Variants in TCTN3 observed in about 807,000 individuals in gnomAD.
TCTN3 encodes tectonic-3.
TCTN3 carries 57 observed loss-of-function variants against 71.3 expected under a neutral mutation model. The observed-to-expected ratio is 0.80, with a 90% CI of 0.65 to 1.00. The LOEUF (loss-of-function observed/expected upper bound fraction) is 1.00, where lower values mean the gene tolerates loss of function less well. TCTN3 is among the 50% of genes least tolerant of loss of function. TCTN3 has a pLI of 0.00. For synonymous variants in TCTN3, 258 were observed against 267.8 expected, an observed-to-expected ratio of 0.96 and a Z score of 0.36; for missense variants, 696 against 719.9, an observed-to-expected ratio of 0.97 and a Z score of 0.38.
intron 13 of TCTN3, among the ~76,000 whole-genome samples, chr10:95,679,880 G>A (rs1331092746): frequency 1.3e-5 from 2 of 152,214 alleles, no homozygotes; most frequent in African/African-American, 4.8e-5. Flanking sequence ...GTGAGCCACC[G>A]CGCCCGGCCG....
intron 13 of TCTN3, among the ~76,000 whole-genome samples, chr10:95,667,238 A>G (rs989578048): frequency 6.6e-6 from 1 of 152,198 alleles, no homozygotes; most frequent in Non-Finnish European, 1.5e-5. Flanking sequence ...ATTAAGAGCT[A>G]CTACTAGATT....
intron 9 of TCTN3, 79 bp downstream of exon 9, chr10:95,684,420 T>C: frequency 1.9e-6 from 3 of 1,548,296 alleles, no homozygotes; most frequent in Non-Finnish European, 2.6e-6. Flanking sequence ...CTATTTCACA[T>C]GTATTACAGA....
intron 13 of TCTN3, among the ~76,000 whole-genome samples, chr10:95,677,488 T>TTTTTTTTTTTTTTTTTTTTTTTTTTTTG (rs1566068610): frequency 7.0e-6 from 1 of 142,544 alleles, no homozygotes; most frequent in Non-Finnish European, 1.6e-5. Context: ...TTTTTGTTTT[T>TTTTTTTTTTTTTTTTTTTTTTTTTTTTG]TTTTTTTTTT....
chr10:95,670,536 ATTTTT>A (rs908806919), intron 13 of TCTN3, among the ~76,000 whole-genome samples: 1 of 147,228 alleles, frequency 6.8e-6, no homozygotes, highest in African/African-American at 2.5e-5. Flanking sequence ...TTTTTTGTAT[ATTTTT>A]TTTTTTAGTA....
chr10:95,667,923 A>G (rs2097927177), intron 13 of TCTN3, among the ~76,000 whole-genome samples: 1 of 152,232 alleles, frequency 6.6e-6, no homozygotes, highest in South Asian at 2.1e-4. Flanking sequence ...AAGATTGACA[A>G]ACATGCGGAA....
chr10:95,686,191 G>A (rs1589617219), intron 7 of TCTN3, among the ~76,000 whole-genome samples: 1 of 152,216 alleles, frequency 6.6e-6, no homozygotes, highest in Admixed American at 6.5e-5. Context: ...CCGTGCCACT[G>A]CACTTCAGCC....
At position 95,681,919 on chromosome 10, in the gene TCTN3, G is replaced by A. The variant is rs576005061; in HGVS notation, c.1452+732C>T. ...ACCTGAAATAACTACTTCAGGCTGG[G>A]AACAGTGGCTTATGCCTGTAATCCC... On this transcript the variant is annotated intron_variant, in intron 12 of 13. Transcript: ENST00000371217. Among the ~76,000 whole-genome samples, 86 of 152,192 alleles carry A rather than the reference G, an allele frequency of 5.7e-4. 1 individual carries two copies. Among genetic ancestry groups the A allele is most frequent in the Non-Finnish European group, 1.0e-3 (71 of 68,034 alleles).
At chr10:95,686,202 T>C (rs911289130) in intron 7 of TCTN3, among the ~76,000 whole-genome samples, 57 of 152,238 alleles carry the variant, frequency 3.7e-4, no homozygotes, top group African/African-American at 1.3e-3. Context: ...CACTTCAGCC[T>C]GGGTGACAGA....
chr10:95,687,548 G>C, intron 4 of TCTN3, 44 bp downstream of exon 4: 1 of 1,605,450 alleles, frequency 6.2e-7, no homozygotes, highest in Non-Finnish European at 8.5e-7. Flanking sequence ...TGCTGTGAGA[G>C]TAAAAACTAA....
intron 13 of TCTN3, among the ~76,000 whole-genome samples, chr10:95,665,298 A>T (rs1181572250): frequency 6.6e-6 from 1 of 151,970 alleles, no homozygotes; most frequent in East Asian, 1.9e-4. Flanking sequence ...TGTGTGTGTG[A>T]GATGGAGTCT....
chr10:95,683,116 G>A lies in TCTN3; in HGVS notation c.1283C>T (p.Ser428Phe). The A allele has an allele frequency of 1.2e-6, 2 of 1,613,946 alleles. No individual in the cohort carries two copies. The highest frequency in any genetic ancestry group is 8.5e-7 in the Non-Finnish European group (1 of 1,179,866). Residue 428 changes from serine to phenylalanine, a missense_variant, in exon 11 of 14, where the codon TCT becomes TTT. Transcript: ENST00000371217. Reference protein sequence around the residue: ...HEVQFGVNAISGCKLRLKKAD... With the variant: ...HEVQFGVNAIFGCKLRLKKAD... The stretch of plus-strand genomic sequence containing the variant: ...AAAGAACTACCTGAGCTTGCATCCA[G>A]ATATTGCATTCACTCCAAACTGCAC...
At chr10:95,678,257 C>CGTG (rs962923269) in intron 13 of TCTN3, among the ~76,000 whole-genome samples, 4 of 152,104 alleles carry the variant, frequency 2.6e-5, no homozygotes, top group African/African-American at 9.7e-5. Context: ...AGAGGCTGGG[C>CGTG]GTGGTGGCTC....
At chr10:95,685,830 C>T (rs972896633) in intron 7 of TCTN3, among the ~76,000 whole-genome samples, 194 bp from the exon 8 acceptor site, 2 of 152,186 alleles carry the variant, frequency 1.3e-5, no homozygotes, top group Non-Finnish European at 2.9e-5. Flanking sequence ...TTTCTCAGAA[C>T]ACTAGTTCTA....
intron 12 of TCTN3, among the ~76,000 whole-genome samples, chr10:95,681,919 G>C (rs576005061): frequency 6.6e-6 from 1 of 152,192 alleles, no homozygotes; most frequent in Non-Finnish European, 1.5e-5. Flanking sequence ...TTCAGGCTGG[G>C]AACAGTGGCT....
At chr10:95,691,309 T>C (rs1026883977) in intron 3 of TCTN3, among the ~76,000 whole-genome samples, 1 of 152,080 alleles carries the variant, frequency 6.6e-6, no homozygotes, top group Non-Finnish European at 1.5e-5. Context: ...CCCACTACCA[T>C]GCCTGGATAA....
At chr10:95,682,422 G>A (rs2097943896) in intron 12 of TCTN3, among the ~76,000 whole-genome samples, 1 of 151,868 alleles carries the variant, frequency 6.6e-6, no homozygotes, top group African/African-American at 2.4e-5. Context: ...TGAACCCGGG[G>A]GGTGGAGGTT....
chr10:95,665,990 G>C (rs1333557047), intron 13 of TCTN3, among the ~76,000 whole-genome samples: 1 of 151,422 alleles, frequency 6.6e-6, no homozygotes, highest in Non-Finnish European at 1.5e-5. Context: ...GCCCAGGCTG[G>C]AGTGCAGTGG....
At chr10:95,682,350 T>C (rs534997359) in intron 12 of TCTN3, among the ~76,000 whole-genome samples, 6 of 151,258 alleles carry the variant, frequency 4.0e-5, no homozygotes, top group African/African-American at 1.5e-4. Flanking sequence ...ATTAGCCGGG[T>C]GTGGTGGCGG....
intron 8 of TCTN3, 122 bp from the exon 9 acceptor site, chr10:95,684,746 G>A: frequency 9.4e-7 from 1 of 1,061,240 alleles, no homozygotes; most frequent in Non-Finnish European, 1.3e-6. Flanking sequence ...AAACAGTAAT[G>A]TTAAAAATGC....
Sources: gnomAD v4.1 joint callset for allele counts (sites outside exome capture counted in the v4.1 genomes callset) on GRCh38, gnomAD v4.1.1 for gene constraint, MANE v1.5 for transcripts, NCBI Gene and HGNC (gene_info 2026-07-23, HGNC 2026-07-21) for gene names.